KCNIP4: variants seen among roughly 807,000 people sequenced by gnomAD.
KCNIP4 encodes Kv channel-interacting protein 4.
KCNIP4 carries 12 observed loss-of-function variants against 34.0 expected under a neutral mutation model. The ratio of observed to expected loss-of-function variants is 0.35; its 90% CI spans 0.23 to 0.57. The LOEUF (loss-of-function observed/expected upper bound fraction) is 0.57, where lower values mean the gene tolerates loss of function less well. Among genes scored for constraint, KCNIP4 ranks in the 20% least tolerant of loss-of-function variants. KCNIP4 has a pLI of 0.83. For missense variants in KCNIP4, 238 were observed against 311.7 expected (o/e 0.76, Z 1.78); for synonymous variants, 124 against 102.2 (o/e 1.21, Z -1.29).
At chr4:21,153,582 T>A (rs2109253909) in intron 1 of KCNIP4, among the ~76,000 whole-genome samples, 1 of 150,946 alleles carries the variant, frequency 6.6e-6, no homozygotes, top group Non-Finnish European at 1.5e-5. Context: ...TTCTTCTCAA[T>A]TTCTTATAGC....
chr4:21,440,280 G>C (rs961703258), intron 1 of KCNIP4, among the ~76,000 whole-genome samples: 3 of 152,150 alleles, frequency 2.0e-5, no homozygotes, highest in African/African-American at 7.2e-5. Flanking sequence ...ACCTTTACAT[G>C]TGTTCACTGT....
intron 3 of KCNIP4, among the ~76,000 whole-genome samples, chr4:20,812,606 C>T (rs1198203493): frequency 1.3e-5 from 2 of 152,166 alleles, no homozygotes; most frequent in Admixed American, 6.5e-5. Flanking sequence ...GATCTAAACA[C>T]GGCATAGCTA....
intron 1 of KCNIP4, among the ~76,000 whole-genome samples, chr4:21,604,799 A>C (rs1016885289): frequency 6.6e-6 from 1 of 152,144 alleles, no homozygotes. Flanking sequence ...AATTCTTTTG[A>C]AAATCACTGT....
intron 1 of KCNIP4, among the ~76,000 whole-genome samples, chr4:21,942,515 G>T (rs1730257789): frequency 6.6e-6 from 1 of 152,210 alleles, no homozygotes; most frequent in African/African-American, 2.4e-5. Flanking sequence ...CACTCTGATA[G>T]TCATGGTGCT....
intron 1 of KCNIP4, among the ~76,000 whole-genome samples, chr4:21,210,641 G>C (rs1227997357): frequency 6.6e-6 from 1 of 152,062 alleles, no homozygotes; most frequent in African/African-American, 2.4e-5. Flanking sequence ...TGCGTCTTAT[G>C]TGCAGAACTT....
intron 1 of KCNIP4, among the ~76,000 whole-genome samples, chr4:21,824,143 T>C (rs967293708): frequency 6.6e-5 from 10 of 152,146 alleles, no homozygotes; most frequent in African/African-American, 2.2e-4. Context: ...ACGGACTCCA[T>C]CTTGCTTCTA....
At chr4:21,414,223 T>A (rs1217031738) in intron 1 of KCNIP4, among the ~76,000 whole-genome samples, 1 of 152,072 alleles carries the variant, frequency 6.6e-6, no homozygotes, top group Non-Finnish European at 1.5e-5. Context: ...ACAGTCTCAA[T>A]GAGATGGTGA....
intron 1 of KCNIP4, among the ~76,000 whole-genome samples, chr4:21,513,116 G>T (rs552412512): frequency 6.6e-6 from 1 of 152,142 alleles, no homozygotes; most frequent in Non-Finnish European, 1.5e-5. Context: ...AGAAACACTA[G>T]TCATTTGTGG....
intron 1 of KCNIP4, among the ~76,000 whole-genome samples, chr4:21,799,759 A>C (rs113596188): frequency 3.4e-4 from 52 of 152,278 alleles, no homozygotes; most frequent in African/African-American, 1.2e-3. Flanking sequence ...ACCATTTAAC[A>C]AATAAGTTCC....
At position 20,942,333 on chromosome 4, in the gene KCNIP4, A is replaced by T. The variant is rs370944295; in HGVS notation, c.62-59624T>A. ...CCAGATAAAACAGCTAGGATTTAGG[A>T]AACTGAAGGAACTCAGCCCAGGTCT... is the stretch of plus-strand genomic sequence containing the variant. On this transcript the variant is annotated intron_variant, in intron 1 of 8. Coordinates refer to ENST00000382152, the MANE Select transcript of KCNIP4 (RefSeq NM_025221.6). 2.0e-4 allele frequency among the ~76,000 whole-genome samples: 30 copies of T among 152,314 alleles called. No homozygotes were observed. In the South Asian group the frequency reaches 4.1e-3, roughly 21 times the overall value.
At chr4:21,477,419 T>C (rs1021006692) in intron 1 of KCNIP4, among the ~76,000 whole-genome samples, 1 of 152,182 alleles carries the variant, frequency 6.6e-6, no homozygotes, top group Non-Finnish European at 1.5e-5. Context: ...TGAATATCAC[T>C]GTCTTTTCTG....
At chr4:21,612,295 C>T (rs1406658908) in intron 1 of KCNIP4, among the ~76,000 whole-genome samples, 2 of 152,106 alleles carry the variant, frequency 1.3e-5, no homozygotes, top group African/African-American at 4.8e-5. Flanking sequence ...TGAAAAGAAA[C>T]AAAGTTTTTG....
intron 1 of KCNIP4, among the ~76,000 whole-genome samples, chr4:21,505,424 C>G (rs1266724879): frequency 6.6e-6 from 1 of 152,170 alleles, no homozygotes; most frequent in Non-Finnish European, 1.5e-5. Flanking sequence ...ATCCCAACAA[C>G]TTTAAACTCA....
intron 1 of KCNIP4, among the ~76,000 whole-genome samples, chr4:21,567,881 C>T (rs916949702): frequency 6.6e-6 from 1 of 152,028 alleles, no homozygotes; most frequent in Admixed American, 6.6e-5. Context: ...TTTCTAGGTA[C>T]CAGTGGGGCA....
chr4:21,670,462 C>T (rs1383876340), intron 1 of KCNIP4, among the ~76,000 whole-genome samples: 1 of 150,714 alleles, frequency 6.6e-6, no homozygotes, highest in African/African-American at 2.4e-5. Flanking sequence ...GGGAGATATA[C>T]CTAATGCTAG....
chr4:21,247,665 ATATATCTATATATAGATATATT>A (rs1345834136), intron 1 of KCNIP4, among the ~76,000 whole-genome samples: 19 of 133,022 alleles, frequency 1.4e-4, no homozygotes, highest in South Asian at 2.2e-4. Flanking sequence ...ATATATTTAG[ATATATCTATATATAGATATATT>A]TATATCTATA....
At chr4:21,767,788 A>T (rs6834778) in intron 1 of KCNIP4, among the ~76,000 whole-genome samples, 37,718 of 151,826 alleles carry the variant, frequency 0.25, 8,051 homozygotes, top group African/African-American at 0.59. Context: ...ACACACTACT[A>T]CCTGAAAGCA....
At chr4:21,112,406 C>A (rs142738854) in intron 1 of KCNIP4, among the ~76,000 whole-genome samples, 1 of 152,118 alleles carries the variant, frequency 6.6e-6, no homozygotes, top group African/African-American at 2.4e-5. Flanking sequence ...ACTTTGTATG[C>A]GGATGGAGTT....
chr4:21,428,178 A>G (rs554405500), intron 1 of KCNIP4, among the ~76,000 whole-genome samples: 1 of 152,270 alleles, frequency 6.6e-6, no homozygotes, highest in African/African-American at 2.4e-5. Context: ...AAACAAAACA[A>G]TGATTATTAC....
Sources: gnomAD v4.1 joint callset for allele counts (sites outside exome capture counted in the v4.1 genomes callset) on GRCh38, gnomAD v4.1.1 for gene constraint, MANE v1.5 for transcripts, NCBI Gene and HGNC (gene_info 2026-07-23, HGNC 2026-07-21) for gene names.